Variants in MED12L observed in about 807,000 individuals in gnomAD.
MED12L encodes mediator complex subunit 12L.
Under a neutral mutation model 281.3 loss-of-function variants are expected in MED12L, and 60 were observed. The ratio of observed to expected loss-of-function variants is 0.21; its 90% confidence interval spans 0.17 to 0.26. The LOEUF is 0.26. MED12L is among the 10% of genes least tolerant of loss of function. The pLI, the probability that MED12L is intolerant of heterozygous loss-of-function variation, is 1.00. For missense variants in MED12L, 2,146 were observed against 2,680.9 expected, an observed-to-expected ratio of 0.80 and a Z score of 4.41; for synonymous variants, 974 against 987.2, an observed-to-expected ratio of 0.99 and a Z score of 0.25.
At chr3:151,341,347 CTTA>C in intron 16 of MED12L, among the ~76,000 whole-genome samples, 1 of 152,048 alleles carries the variant, frequency 6.6e-6, no homozygotes, top group Middle Eastern at 3.4e-3. Flanking sequence ...CATTGCCAGG[CTTA>C]TTATATACTG....
At chr3:151,316,584 A>G (rs2149800594) in intron 16 of MED12L, 1 of 152,284 alleles carries the variant, frequency 6.6e-6, no homozygotes, top group Non-Finnish European at 1.5e-5. Context: ...TTTTTCGTTT[A>G]CCTTTCATTG....
intron 3 of MED12L, among the ~76,000 whole-genome samples, chr3:151,117,680 T>C (rs185063132): frequency 2.0e-5 from 3 of 151,268 alleles, no homozygotes; most frequent in Admixed American, 2.0e-4. Context: ...AAATGTAGAA[T>C]TTTTCTACAA....
At chr3:151,213,049 G>C (rs6782821) in intron 16 of MED12L, 25 of 244,540 alleles carry the variant, frequency 1.0e-4, no homozygotes, top group Non-Finnish European at 1.8e-4. Context: ...TAATAGAATT[G>C]AATAATTGTA....
rs777951226 is a variant in MED12L at position 151,411,336 on chromosome 3, A to G, written c.5969A>G (p.Gln1990Arg). ...GTQMPLQQTS[Q>R]QQAGSVVLSP... Reference sequence around the variant, plus strand: ...CAGATGCCTTTGCAGCAGACATCGCAGCAGCAGGCTGGCAGTGTGGTCCTG... The same window carrying G: ...CAGATGCCTTTGCAGCAGACATCGCGGCAGCAGGCTGGCAGTGTGGTCCTG... Residue 1990 changes from glutamine to arginine, a missense_variant, in exon 41 of 45, where the codon CAG becomes CGG. By Grantham distance (43) the Gln-to-Arg change is conservative. Transcript: ENST00000687756. 2 of 1,614,240 alleles carry G rather than the reference A, an allele frequency of 1.2e-6. No individual in the cohort carries two copies. Among genetic ancestry groups the G allele is most frequent in the Non-Finnish European group, 8.5e-7 (1 of 1,180,048 alleles).
intron 17 of MED12L, among the ~76,000 whole-genome samples, chr3:151,351,758 G>T (rs4680374): frequency 0.76 from 116,184 of 152,062 alleles, 45,544 homozygotes; most frequent in Middle Eastern, 0.92. Flanking sequence ...TCTTTCCAGA[G>T]CCTATGGAAC....
At chr3:151,390,262 A>G (rs1714024264) in intron 38 of MED12L, 127 bp downstream of exon 38, 1 of 847,952 alleles carries the variant, frequency 1.2e-6, no homozygotes, top group Non-Finnish European at 1.9e-6. Flanking sequence ...ACATTTCTGT[A>G]ATTCCCTTCA....
At chr3:151,307,677 A>G (rs1156628120) in intron 16 of MED12L, among the ~76,000 whole-genome samples, 9 of 151,790 alleles carry the variant, frequency 5.9e-5, no homozygotes, top group Non-Finnish European at 1.2e-4. Context: ...CTTAACCTCA[A>G]ACCTGACTAT....
intron 36 of MED12L, among the ~76,000 whole-genome samples, chr3:151,387,249 T>C (rs376519430): frequency 4.8e-4 from 73 of 152,234 alleles, no homozygotes; most frequent in African/African-American, 1.6e-3. Context: ...TGAAAGACTT[T>C]ACTTATTCCT....
intron 16 of MED12L, chr3:151,198,552 A>C: frequency 3.1e-6 from 5 of 1,614,122 alleles, no homozygotes; most frequent in Non-Finnish European, 4.2e-6. Context: ...GGATCAAAGC[A>C]CAGGTTCGAC....
intron 16 of MED12L, among the ~76,000 whole-genome samples, chr3:151,333,488 A>C (rs1750581875): frequency 6.6e-6 from 1 of 152,294 alleles, no homozygotes; most frequent in Middle Eastern, 3.4e-3. Context: ...GCATTTCTCT[A>C]ACAACATGCC....
At chr3:151,258,657 C>G (rs1385849104) in intron 16 of MED12L, among the ~76,000 whole-genome samples, 1 of 151,988 alleles carries the variant, frequency 6.6e-6, no homozygotes, top group Non-Finnish European at 1.5e-5. Flanking sequence ...AGAGTCCAGC[C>G]TGATCAACAT....
intron 37 of MED12L, 37 bp downstream of exon 37, chr3:151,388,209 GCATTTAGTATGAGATTTA>G: frequency 1.3e-6 from 2 of 1,551,012 alleles, no homozygotes; most frequent in Non-Finnish European, 1.7e-6. Flanking sequence ...TGGCTCATTA[GCATTTAGTATGAGATTTA>G]CTCGTGCCCA....
chr3:151,422,953 GT>G (rs61502768), intron 43 of MED12L, among the ~76,000 whole-genome samples: 169 of 141,064 alleles, frequency 1.2e-3, no homozygotes, highest in African/African-American at 2.5e-3. Context: ...ACAGAACTAG[GT>G]TTTTTTTTTT....
At chr3:151,273,530 T>C (rs1741359069) in intron 16 of MED12L, among the ~76,000 whole-genome samples, 1 of 151,692 alleles carries the variant, frequency 6.6e-6, no homozygotes, top group South Asian at 2.1e-4. Flanking sequence ...CGTGAGCCAC[T>C]GCGCCCGGCC....
At chr3:151,174,869 C>G (rs1211359618) in intron 11 of MED12L, among the ~76,000 whole-genome samples, 1 of 151,650 alleles carries the variant, frequency 6.6e-6, no homozygotes, top group Non-Finnish European at 1.5e-5. Context: ...ACACACCCGG[C>G]TAATTAAAGA....
intron 16 of MED12L, among the ~76,000 whole-genome samples, chr3:151,281,259 AG>A (rs1157727413): frequency 3.3e-4 from 43 of 129,148 alleles, no homozygotes; most frequent in Middle Eastern, 4.2e-3. Flanking sequence ...AAAAAAAAAA[AG>A]TTAGCTGGGC....
rs188637387 is a variant in MED12L, at chr3:151,141,115, C to T, written c.556+13131C>T. Among the ~76,000 whole-genome samples, 17 of 151,366 alleles carry T rather than the reference C, an allele frequency of 1.1e-4. No homozygotes were observed. The East Asian group carries it at 3.3e-3, about 29-fold the overall frequency. ...ATCTCCTGACCTTGTGATCCACCTGCCTTGGCCTCCCACAGTGCTGGGATT... is the reference window on the plus strand; with the variant it reads ...ATCTCCTGACCTTGTGATCCACCTGTCTTGGCCTCCCACAGTGCTGGGATT... On this transcript the variant is annotated intron_variant, in intron 5 of 44. Transcript: ENST00000687756.
At chr3:151,420,611 G>C (rs2101647) in intron 43 of MED12L, among the ~76,000 whole-genome samples, 130,206 of 152,160 alleles carry the variant, frequency 0.86, 55,953 homozygotes, top group Middle Eastern at 0.97. Flanking sequence ...GAACTTTGCC[G>C]CAGCCCTGCA....
At chr3:151,210,029 T>G (rs1019016918) in intron 16 of MED12L, among the ~76,000 whole-genome samples, 1 of 152,222 alleles carries the variant, frequency 6.6e-6, no homozygotes. Flanking sequence ...TCAGTGTGCC[T>G]TCCATGGTGT....
Sources: allele counts gnomAD v4.1 joint callset (sites outside exome capture counted in the v4.1 genomes callset), GRCh38; gene constraint gnomAD v4.1.1; transcripts MANE v1.5; gene names NCBI Gene and HGNC (gene_info 2026-07-23, HGNC 2026-07-21).